Variants in CYSLTR2 observed in about 807,000 individuals in gnomAD.
The protein encoded by CYSLTR2 is G-protein coupled receptor GPCR21.
For synonymous variants in CYSLTR2, 179 were observed against 160.8 expected (o/e 1.11, Z -0.86); for missense variants, 398 against 411.9 (o/e 0.97, Z 0.29).
At chr13:48,697,987 GA>G (rs1357526144) in intron 4 of CYSLTR2, among the ~76,000 whole-genome samples, 1 of 152,078 alleles carries the variant, frequency 6.6e-6, no homozygotes, top group Non-Finnish European at 1.5e-5. Context: ...AAAAAGAAAT[GA>G]AAAAAGCCTC....
At chr13:48,693,696 G>T (rs933281812) in intron 3 of CYSLTR2, among the ~76,000 whole-genome samples, 186 bp downstream of exon 3, 17 of 151,948 alleles carry the variant, frequency 1.1e-4, no homozygotes, top group African/African-American at 4.1e-4. Context: ...ATAGATTTTG[G>T]AATATAAAAA....
Position 48,675,948 on chromosome 13 carries a change from C to CT in CYSLTR2, c.-265-15263dup, listed in dbSNP as rs1254123021. On this transcript the variant is annotated intron_variant, in intron 1 of 4. Transcript: ENST00000682523. Reference sequence around the variant, plus strand: ...TTCCCAGGTGAGGCGATACCCCACTCTGCTTCTGCTCACCCCCCATGGGCT... The same window carrying CT: ...TTCCCAGGTGAGGCGATACCCCACTCTTGCTTCTGCTCACCCCCCATGGGCT... Among the ~76,000 whole-genome samples the CT allele has an allele frequency of 2.0e-5, 3 of 152,216 alleles. No individual in the cohort carries two copies. The East Asian group carries it at 5.8e-4, about 29-fold the overall frequency.
chr13:48,681,802 A>G (rs578083720), intron 1 of CYSLTR2, among the ~76,000 whole-genome samples: 75 of 152,138 alleles, frequency 4.9e-4, no homozygotes, highest in Non-Finnish European at 9.9e-4. Context: ...AGCCCTGTTG[A>G]TCTTGAGATG....
intron 1 of CYSLTR2, among the ~76,000 whole-genome samples, chr13:48,682,489 C>T (rs531742398): frequency 2.4e-4 from 37 of 152,188 alleles, no homozygotes; most frequent in African/African-American, 8.4e-4. Flanking sequence ...AGCTAATGGC[C>T]TCACAATTCA....
chr13:48,687,306 G>C (rs1376961819), intron 1 of CYSLTR2, among the ~76,000 whole-genome samples: 2 of 151,900 alleles, frequency 1.3e-5, no homozygotes, highest in Non-Finnish European at 1.5e-5. Flanking sequence ...AACTGTGTGA[G>C]CCAATTCCCC....
At chr13:48,674,813 G>C (rs1048986826) in intron 1 of CYSLTR2, among the ~76,000 whole-genome samples, 1 of 152,144 alleles carries the variant, frequency 6.6e-6, no homozygotes, top group African/African-American at 2.4e-5. Flanking sequence ...TTTTGCACGG[G>C]CATCCTTTTT....
intron 1 of CYSLTR2, among the ~76,000 whole-genome samples, chr13:48,673,888 T>G (rs1353565241): frequency 1.3e-5 from 2 of 152,184 alleles, no homozygotes; most frequent in Non-Finnish European, 2.9e-5. Context: ...TGAAGCTTAT[T>G]TTAGCAGGAC....
chr13:48,675,487 C>A (rs1000786982), intron 1 of CYSLTR2, among the ~76,000 whole-genome samples: 5 of 152,158 alleles, frequency 3.3e-5, no homozygotes, highest in African/African-American at 1.2e-4. Flanking sequence ...GGACACCCCT[C>A]CCCCATCAAG....
chr13:48,703,661 C>G (rs1954408671), intron 4 of CYSLTR2, among the ~76,000 whole-genome samples: 1 of 152,128 alleles, frequency 6.6e-6, no homozygotes, highest in African/African-American at 2.4e-5. Context: ...CCTACATTCA[C>G]AGGGGATATT....
chr13:48,707,774 A>C lies in CYSLTR2; in HGVS notation c.957A>C (p.Ala319=). 6.3e-7 allele frequency: 1 copy of C among 1,585,448 alleles called. No individual in the cohort carries two copies. The highest frequency in any genetic ancestry group is 8.6e-7 in the Non-Finnish European group (1 of 1,165,604). The change falls in exon 5 of 5, where the codon GCA becomes GCC. Residue 319 remains alanine, a synonymous_variant. Coordinates refer to ENST00000682523, the MANE Select transcript of CYSLTR2 (RefSeq NM_001308476.3). ...GENFKDRLKS[A]LRKGHPQKAK... The stretch of plus-strand genomic sequence containing the variant: ...ATTTTAAGGACAGACTAAAGTCTGC[A>C]CTCAGAAAAGGCCATCCACAGAAGG...
chr13:48,669,622 G>A (rs1282944233), intron 1 of CYSLTR2, among the ~76,000 whole-genome samples: 1 of 152,122 alleles, frequency 6.6e-6, no homozygotes, highest in Non-Finnish European at 1.5e-5. Context: ...TATTTTTTAT[G>A]GCTGCATAGT....
chr13:48,683,663 T>G (rs1224257329), intron 1 of CYSLTR2, among the ~76,000 whole-genome samples: 1 of 152,162 alleles, frequency 6.6e-6, no homozygotes, highest in Admixed American at 6.5e-5. Flanking sequence ...TTGCAAAAAT[T>G]TTCTCCTATT....
At chr13:48,680,806 T>C (rs1325053499) in intron 1 of CYSLTR2, among the ~76,000 whole-genome samples, 3 of 94,616 alleles carry the variant, frequency 3.2e-5, no homozygotes, top group Admixed American at 1.0e-4. Context: ...TTTTCTTTTT[T>C]TTTTTTTTTT....
chr13:48,662,310 G>A (rs1159108782), intron 1 of CYSLTR2, among the ~76,000 whole-genome samples: 1 of 152,150 alleles, frequency 6.6e-6, no homozygotes, highest in African/African-American at 2.4e-5. Context: ...TAGTGCTGCA[G>A]TAAACATGTC....
intron 4 of CYSLTR2, among the ~76,000 whole-genome samples, chr13:48,698,230 A>G (rs955211716): frequency 6.6e-6 from 1 of 152,322 alleles, no homozygotes; most frequent in South Asian, 2.1e-4. Flanking sequence ...CAGATTCACC[A>G]AAGTTGAAAT....
chr13:48,654,154 A>G (rs1036969937), intron 1 of CYSLTR2, 137 bp downstream of exon 1: 4 of 152,114 alleles, frequency 2.6e-5, no homozygotes, highest in Non-Finnish European at 5.9e-5. Context: ...TATCATGTAC[A>G]TGGTAGTTTA....
At chr13:48,669,846 T>G (rs1051504786) in intron 1 of CYSLTR2, among the ~76,000 whole-genome samples, 9 of 152,166 alleles carry the variant, frequency 5.9e-5, no homozygotes, top group Non-Finnish European at 1.2e-4. Context: ...CCTTGAGGAG[T>G]TGCCACAGTG....
At chr13:48,705,432 T>A (rs1485875127) in intron 4 of CYSLTR2, among the ~76,000 whole-genome samples, 2 of 152,008 alleles carry the variant, frequency 1.3e-5, no homozygotes, top group South Asian at 4.1e-4. Context: ...GAATGAGGGA[T>A]GTCTGCCATT....
chr13:48,675,899 A>C (rs926012335), intron 1 of CYSLTR2, among the ~76,000 whole-genome samples: 1 of 152,120 alleles, frequency 6.6e-6, no homozygotes, highest in African/African-American at 2.4e-5. Flanking sequence ...TGGCTAGGGG[A>C]GGGAGTTCCT....
Sources: gnomAD v4.1 joint callset for allele counts (sites outside exome capture counted in the v4.1 genomes callset) on GRCh38, gnomAD v4.1.1 for gene constraint, MANE v1.5 for transcripts, NCBI Gene and HGNC (gene_info 2026-07-23, HGNC 2026-07-21) for gene names.